The following SLC66A2 variants were observed in gnomAD, a reference collection of about 807,000 sequenced individuals.
SLC66A2 encodes the protein solute carrier family 66 member 2, also known as PQ loop repeat containing 1.
Under a neutral mutation model 25.5 loss-of-function variants are expected in SLC66A2, and 23 were observed. That is an observed-to-expected ratio of 0.90 (90% CI 0.65 to 1.28). SLC66A2 has a LOEUF of 1.28. Among genes scored for constraint, SLC66A2 ranks in the 50% most tolerant of loss-of-function variants. SLC66A2 has a pLI of 0.00. For missense variants in SLC66A2, 396 were observed against 373.1 expected (o/e 1.06, Z -0.51); for synonymous variants, 193 against 166.5 (o/e 1.16, Z -1.23).
At position 79,940,146 on chromosome 18, in the gene SLC66A2, C is replaced by T. The variant is rs974292048; in HGVS notation, c.337+3183G>A. 3.3e-5 allele frequency among the ~76,000 whole-genome samples: 5 copies of T among 152,196 alleles called. No homozygotes were observed. Among genetic ancestry groups the T allele is most frequent in the Non-Finnish European group, 4.4e-5 (3 of 68,010 alleles). ...AACACGGGAACAGAAGACCAAATGC[C>T]GCATGTTCTCACGTGTAAGTGGGAG... On this transcript the variant is annotated intron_variant, in intron 3 of 5. Coordinates refer to ENST00000397778, the MANE Select transcript of SLC66A2 (RefSeq NM_025078.5). This position sits in a 1 kb window ranked among gnomAD's most constrained non-coding sequence, Gnocchi z 4.1.
Position 79,918,323 on chromosome 18 carries a change from CTG to C in SLC66A2, c.608+859_608+860del. On this transcript the variant is annotated intron_variant, in intron 5 of 5. Transcript: ENST00000397778. This position sits in a 1 kb window ranked among gnomAD's most constrained non-coding sequence, Gnocchi z 4.0. ...TCCCTCCAAATCACAGCCTCAGCAT[CTG>C]TATTGGAGACCAGACTCAAGCAACG... Among the ~76,000 whole-genome samples the C allele has an allele frequency of 6.6e-6, 1 of 152,104 alleles. No homozygotes were observed. Among genetic ancestry groups the C allele is most frequent in the Middle Eastern group, 3.4e-3 (1 of 294 alleles).
At chr18:79,926,980 G>A (rs1304686542) in intron 4 of SLC66A2, among the ~76,000 whole-genome samples, 1 of 152,036 alleles carries the variant, frequency 6.6e-6, no homozygotes, top group Non-Finnish European at 1.5e-5. Flanking sequence ...TTAACTCTGT[G>A]ACTGTTTCAG....
At chr18:79,925,399 G>A (rs996434648) in intron 4 of SLC66A2, among the ~76,000 whole-genome samples, 26 of 152,234 alleles carry the variant, frequency 1.7e-4, no homozygotes, top group African/African-American at 5.5e-4. Flanking sequence ...AGACTCACAC[G>A]CCGTGACTTC....
chr18:79,928,584 C>T (rs774796114), intron 4 of SLC66A2, among the ~76,000 whole-genome samples: 13 of 152,156 alleles, frequency 8.5e-5, no homozygotes, highest in South Asian at 4.2e-4. Context: ...AATGGAGAAA[C>T]GCTTATCCAA....
intron 4 of SLC66A2, among the ~76,000 whole-genome samples, chr18:79,926,304 C>A (rs1223083273): frequency 6.6e-6 from 1 of 152,084 alleles, no homozygotes; most frequent in African/African-American, 2.4e-5. Context: ...CTTTCTTGTG[C>A]GAGACCCAAG....
At chr18:79,943,722 A>G in intron 2 of SLC66A2, 1 of 393,548 alleles carries the variant, frequency 2.5e-6, no homozygotes, top group Non-Finnish European at 4.6e-6. Flanking sequence ...TGCAGCAGGA[A>G]AGATCCTGTG....
chr18:79,951,536 C>A, intron 1 of SLC66A2, 45 bp downstream of exon 1: 1 of 152,440 alleles, frequency 6.6e-6, no homozygotes, highest in South Asian at 1.8e-4. Context: ...CTCGGCCGCC[C>A]TAGGCCGCCC....
intron 3 of SLC66A2, among the ~76,000 whole-genome samples, chr18:79,938,074 A>AT (rs1485379511): frequency 9.2e-5 from 14 of 151,718 alleles, no homozygotes; most frequent in Non-Finnish European, 1.8e-4. Flanking sequence ...TGAACCCAGG[A>AT]ATTCAAGGTG....
chr18:79,912,711 G>C (rs1983422544), intron 5 of SLC66A2, among the ~76,000 whole-genome samples: 1 of 152,166 alleles, frequency 6.6e-6, no homozygotes, highest in Admixed American at 6.5e-5. Flanking sequence ...CCGTGGTGCT[G>C]GCTTGGCAGC....
chr18:79,922,859 G>T (rs1190441355), intron 4 of SLC66A2, among the ~76,000 whole-genome samples: 1 of 145,240 alleles, frequency 6.9e-6, no homozygotes, highest in Non-Finnish European at 1.5e-5. Context: ...GTGAGGTTAG[G>T]GGGGCTTGGG....
At chr18:79,919,556 C>T (rs1358426297) in intron 4 of SLC66A2, among the ~76,000 whole-genome samples, 156 bp from the exon 5 acceptor site, 1 of 43,418 alleles carries the variant, frequency 2.3e-5, no homozygotes, top group African/African-American at 5.7e-5. Context: ...AGACAGGAAC[C>T]GAGGGAGAGG....
chr18:79,944,799 G>T, intron 2 of SLC66A2: 1 of 152,780 alleles, frequency 6.5e-6, no homozygotes, highest in Non-Finnish European at 1.5e-5. Flanking sequence ...AACCACCACA[G>T]CCCCCACCTC....
At chr18:79,948,356 C>A (rs1422287940) in intron 2 of SLC66A2, among the ~76,000 whole-genome samples, 2 of 152,142 alleles carry the variant, frequency 1.3e-5, no homozygotes, top group South Asian at 4.1e-4. Flanking sequence ...TAGATAGATT[C>A]TTTTCTTTCT....
In SLC66A2 at chr18:79,950,846, G is replaced by A. The variant is rs754723342; in HGVS notation, c.81C>T (p.Phe27=). Residue 27 remains phenylalanine (F), a synonymous_variant, in exon 2 of 6, where the codon TTC becomes TTT. Transcript: ENST00000397778. ...VSWGAAAAMV[F]GGVVPYVPQY... is the part of the protein sequence containing the mutation. ...GCGGGACGTAGGGCACCACCCCTCCGAAGACCATGGCCGCGGCCGCGCCCC... is the reference window on the plus strand; with the variant it reads ...GCGGGACGTAGGGCACCACCCCTCCAAAGACCATGGCCGCGGCCGCGCCCC... 8.7e-6 allele frequency: 14 copies of A among 1,611,576 alleles called. No individual in the cohort carries two copies. In the South Asian group the frequency reaches 1.4e-4, roughly 16 times the overall value.
At position 79,927,162 on chromosome 18, in the gene SLC66A2, G is replaced by C. The variant is rs1407107177; in HGVS notation, c.391+6807C>G. ...TTCTCCACCCCACTCCAGCTGAGCA[G>C]GCAGAGCCTGTCCTTGGAAACGGCC... On this transcript the variant is annotated intron_variant, in intron 4 of 5. Coordinates refer to ENST00000397778, the MANE Select transcript of SLC66A2 (RefSeq NM_025078.5). This position sits in a 1 kb window ranked among gnomAD's most constrained non-coding sequence, Gnocchi z 6.2. 9.2e-5 allele frequency among the ~76,000 whole-genome samples: 14 copies of C among 152,228 alleles called. No individual in the cohort carries two copies. The highest frequency in any genetic ancestry group is 9.2e-4 in the Admixed American group (14 of 15,292).
In SLC66A2 at chr18:79,919,236, C is replaced by T. The variant is rs910067113; in HGVS notation, c.556G>A (p.Gly186Ser). Residue 186 changes from glycine to serine, a missense_variant, in exon 5 of 6, where the codon GGT (glycine) becomes AGT (serine). Gly to Ser is a moderately conservative substitution (Grantham distance 56). Coordinates refer to ENST00000397778, the MANE Select transcript of SLC66A2 (RefSeq NM_025078.5). ...TGGTTGCGGTAAAGCTGGGGCACAC[C>T]CAGCATGGCTTCGGTCAGCACAGCC... ...FLAVLTEAML[G>S]VPQLYRNHRH... 2 of 1,613,230 alleles carry T rather than the reference C, an allele frequency of 1.2e-6. No homozygotes were observed. Among genetic ancestry groups the T allele is most frequent in the Non-Finnish European group, 1.7e-6 (2 of 1,180,026 alleles).
At chr18:79,921,953 G>A (rs1985285116) in intron 4 of SLC66A2, among the ~76,000 whole-genome samples, 1 of 151,806 alleles carries the variant, frequency 6.6e-6, no homozygotes, top group Non-Finnish European at 1.5e-5. Flanking sequence ...GCAGCCGAGG[G>A]TCAGAGGAGG....
At chr18:79,907,213 T>G (rs1332993379) in intron 5 of SLC66A2, among the ~76,000 whole-genome samples, 2 of 151,920 alleles carry the variant, frequency 1.3e-5, no homozygotes, top group Admixed American at 6.6e-5. Context: ...ACCATTTTAA[T>G]TTTTTTTGGT....
chr18:79,905,358 A>G (rs1981945773), intron 5 of SLC66A2, among the ~76,000 whole-genome samples: 1 of 152,170 alleles, frequency 6.6e-6, no homozygotes, highest in African/African-American at 2.4e-5. Context: ...AGTCTCTTCC[A>G]CAGACAAAAA....
Sources: allele counts gnomAD v4.1 joint callset (sites outside exome capture counted in the v4.1 genomes callset), GRCh38; gene constraint gnomAD v4.1.1; non-coding constraint Gnocchi (gnomAD v3.1); transcripts MANE v1.5; gene names NCBI Gene and HGNC (gene_info 2026-07-23, HGNC 2026-07-21).